FOXP2: variants seen among roughly 807,000 people sequenced by gnomAD.
The protein encoded by FOXP2 is forkhead box protein P2.
In FOXP2, 12 loss-of-function variants were observed where a neutral mutation model predicts 115.8. The observed-to-expected ratio is 0.10, with a 90% CI of 0.07 to 0.17. FOXP2 has a LOEUF of 0.17. FOXP2 is among the 10% of genes least tolerant of loss of function. The pLI, the probability that FOXP2 is intolerant of heterozygous loss-of-function variation, is 1.00. For synonymous variants in FOXP2, 328 were observed against 297.7 expected (o/e 1.10, Z -1.05); for missense variants, 629 against 843.5 (o/e 0.75, Z 3.15).
chr7:114,160,124 A>G (rs1792791107), upstream of FOXP2, among the ~76,000 whole-genome samples: 1 of 152,200 alleles, frequency 6.6e-6, no homozygotes, highest in Middle Eastern at 3.2e-3. Context: ...GTTATGGCAC[A>G]GAAAGGTGAG....
intron 2 of FOXP2, among the ~76,000 whole-genome samples, chr7:114,315,539 A>G (rs761807546): frequency 4.6e-5 from 7 of 152,114 alleles, no homozygotes; most frequent in African/African-American, 9.7e-5. Flanking sequence ...CTAGTCACCC[A>G]TACTAGCTAT....
chr7:114,392,136 G>A (rs1792619008), intron 2 of FOXP2, among the ~76,000 whole-genome samples: 2 of 152,192 alleles, frequency 1.3e-5, no homozygotes, highest in South Asian at 4.1e-4. Flanking sequence ...GTGAGATTCT[G>A]TCAAGTGGAA....
chr7:114,111,027 T>G (rs1396470677), intron 1 of FOXP2, among the ~76,000 whole-genome samples: 1 of 152,144 alleles, frequency 6.6e-6, no homozygotes, highest in Non-Finnish European at 1.5e-5. Flanking sequence ...GAAACTTTGT[T>G]AAATAATAAC....
At chr7:114,449,779 A>G (rs1007469546) in intron 2 of FOXP2, among the ~76,000 whole-genome samples, 3 of 152,126 alleles carry the variant, frequency 2.0e-5, no homozygotes, top group African/African-American at 7.2e-5. Context: ...TACCTTTGAA[A>G]TTGCTATATG....
intron 2 of FOXP2, among the ~76,000 whole-genome samples, chr7:114,315,672 C>T (rs549532673): frequency 9.9e-5 from 15 of 151,812 alleles, no homozygotes; most frequent in East Asian, 3.9e-4. Context: ...TGTTACTTGC[C>T]GTAATTATGT....
At chr7:114,488,374 G>A (rs1322984704) in intron 2 of FOXP2, among the ~76,000 whole-genome samples, 1 of 152,198 alleles carries the variant, frequency 6.6e-6, no homozygotes, top group East Asian at 1.9e-4. Context: ...CATATGAGGA[G>A]GTTAACACTT....
intron 1 of FOXP2, among the ~76,000 whole-genome samples, chr7:114,223,739 A>G (rs1039600704): frequency 2.6e-5 from 4 of 151,156 alleles, no homozygotes; most frequent in Admixed American, 2.6e-4. Context: ...GCCACCGTAT[A>G]TGTTGAGATT....
intron 2 of FOXP2, among the ~76,000 whole-genome samples, chr7:114,332,010 G>A (rs541159526): frequency 1.3e-5 from 2 of 152,040 alleles, no homozygotes; most frequent in South Asian, 2.1e-4. Flanking sequence ...ATTGATTAAC[G>A]AAAAAGCATA....
intron 2 of FOXP2, among the ~76,000 whole-genome samples, chr7:114,442,605 A>G (rs1794655172): frequency 6.6e-6 from 1 of 152,030 alleles, no homozygotes; most frequent in Non-Finnish European, 1.5e-5. Context: ...CTACAGGCAC[A>G]TGCCATCATG....
intron 2 of FOXP2, among the ~76,000 whole-genome samples, chr7:114,500,231 A>G (rs1797508882): frequency 6.6e-6 from 1 of 151,504 alleles, no homozygotes; most frequent in Admixed American, 6.6e-5. Flanking sequence ...AAAAAAAAAA[A>G]AAAAGAATGT....
intron 2 of FOXP2, among the ~76,000 whole-genome samples, chr7:114,457,010 A>G (rs537674510): frequency 1.3e-5 from 2 of 152,310 alleles, no homozygotes; most frequent in African/African-American, 4.8e-5. Context: ...GTGATTATCA[A>G]GGGCAAGGAG....
intron 3 of FOXP2, among the ~76,000 whole-genome samples, chr7:114,610,397 A>G (rs1803564837): frequency 3.3e-5 from 5 of 152,206 alleles, no homozygotes; most frequent in Admixed American, 3.3e-4. Context: ...TTCTGTTAAA[A>G]ATTGGTATTT....
At chr7:114,278,992 G>A (rs1796261342) in intron 1 of FOXP2, among the ~76,000 whole-genome samples, 1 of 152,056 alleles carries the variant, frequency 6.6e-6, no homozygotes, top group Admixed American at 6.6e-5. Flanking sequence ...AATAAATTCT[G>A]GGTTATATGG....
chr7:114,151,119 A>G (rs1275993895), intron 1 of FOXP2, among the ~76,000 whole-genome samples: 1 of 152,024 alleles, frequency 6.6e-6, no homozygotes. Flanking sequence ...TAACTAAACA[A>G]AAAGGGAAAC....
At chr7:114,215,551 T>C (rs534369473) in intron 1 of FOXP2, among the ~76,000 whole-genome samples, 56 of 152,292 alleles carry the variant, frequency 3.7e-4, no homozygotes, top group African/African-American at 7.2e-4. Context: ...CTACGGTTTA[T>C]AGTCTGAAAT....
intron 8 of FOXP2, among the ~76,000 whole-genome samples, chr7:114,650,122 A>G (rs1806158929): frequency 6.6e-6 from 1 of 152,164 alleles, no homozygotes; most frequent in Non-Finnish European, 1.5e-5. Context: ...AGCTGCATAG[A>G]TAAATTGAAT....
At chr7:114,485,946 A>G (rs1018886747) in intron 2 of FOXP2, among the ~76,000 whole-genome samples, 1 of 152,190 alleles carries the variant, frequency 6.6e-6, no homozygotes, top group African/African-American at 2.4e-5. Flanking sequence ...CGGAAGTCCT[A>G]AAGACATAGT....
chr7:114,126,992 C>T (rs1038437020), intron 1 of FOXP2, among the ~76,000 whole-genome samples: 1 of 152,256 alleles, frequency 6.6e-6, no homozygotes, highest in South Asian at 2.1e-4. Flanking sequence ...AGGACCTCAG[C>T]CTCAGTGTCA....
At chr7:114,590,580 A>T (rs980060746) in intron 3 of FOXP2, among the ~76,000 whole-genome samples, 1 of 152,144 alleles carries the variant, frequency 6.6e-6, no homozygotes, top group East Asian at 1.9e-4. Flanking sequence ...TGTTTCTTAT[A>T]TGCAGATATA....
Sources: allele counts gnomAD v4.1 joint callset (sites outside exome capture counted in the v4.1 genomes callset), GRCh38; gene constraint gnomAD v4.1.1; transcripts MANE v1.5; gene names NCBI Gene and HGNC (gene_info 2026-07-23, HGNC 2026-07-21).